RILP: variants seen among roughly 807,000 people sequenced by gnomAD.
RILP encodes Rab interacting lysosomal protein.
RILP carries 53 observed loss-of-function variants against 40.0 expected under a neutral mutation model. The ratio of observed to expected loss-of-function variants is 1.32; its 90% CI spans 1.06 to 1.66. The LOEUF is 1.66. Ranked by LOEUF, RILP falls within the 40% of genes most tolerant of loss-of-function variation. The pLI, the probability that RILP is intolerant of heterozygous loss-of-function variation, is 0.00. For missense variants in RILP, 626 were observed against 551.7 expected (o/e 1.13, Z -1.35); for synonymous variants, 272 against 250.6 (o/e 1.09, Z -0.80).
rs532505143 is a variant in RILP, at chr17:1,646,388, G to A, written c.*54C>T. On this transcript the variant is annotated 3_prime_UTR_variant, in exon 8 of 8. Coordinates refer to ENST00000301336, the MANE Select transcript of RILP (RefSeq NM_031430.3). The surrounding 1 kb of genome is among the most constrained non-coding windows in gnomAD (Gnocchi z 4.3). ...GACCCCTGGCGAGGGCTGTGAAGGC[G>A]GGAGCCCTGTCCTCATTTGAGGCCA... is the stretch of plus-strand genomic sequence containing the variant. The A allele has an allele frequency of 3.1e-4, 456 of 1,492,986 alleles. No individual in the cohort carries two copies. The highest frequency in any genetic ancestry group is 2.4e-3 in the Middle Eastern group (10 of 4,190). 92.5% of individuals were successfully genotyped at this position (1,492,986 alleles called of 1,614,324 possible).
chr17:1,649,095 A>T lies in RILP; in HGVS notation c.430-51T>A. The T allele has an allele frequency of 2.6e-5, 24 of 936,262 alleles. No homozygotes were observed. Among genetic ancestry groups the T allele is most frequent in the South Asian group, 3.4e-5 (1 of 29,248 alleles). The allele number at this position is 936,262 out of a possible 1,614,324, so 58.0% of individuals were successfully genotyped here. A position where few individuals can be genotyped will look rare whatever the true frequency, so the allele number is the denominator to read the frequency against. Reference sequence around the variant, plus strand: ...GGGCGGGGCACCGAGGGCCCCCCGGAGCCCCGCCCAGCGCCTGCCTCGCTC... The same window carrying T: ...GGGCGGGGCACCGAGGGCCCCCCGGTGCCCCGCCCAGCGCCTGCCTCGCTC... On this transcript the variant is annotated intron_variant, in intron 3 of 7. Transcript: ENST00000301336. The surrounding 1 kb of genome is among the most constrained non-coding windows in gnomAD (Gnocchi z 4.3).
Position 1,646,527 on chromosome 17 carries a change from T to G in RILP, c.1121A>C (p.Gln374Pro), listed in dbSNP as rs773982070. The stretch of plus-strand genomic sequence containing the variant: ...CGGATCAGGAGCTGGAGACTGTGGT[T>G]GGGCCTCCTCTTCTCCCCCTAGCTT... ...PSKLGGEEEA[Q>P]PQSPAPDPPC... The change falls in exon 8 of 8, where the codon CAA becomes CCA. Residue 374 changes from glutamine (Q) to proline (P), a missense_variant. Transcript: ENST00000301336. The surrounding 1 kb of genome is among the most constrained non-coding windows in gnomAD (Gnocchi z 4.3). 2 of 1,613,578 alleles carry G rather than the reference T, an allele frequency of 1.2e-6. No individual in the cohort carries two copies. The highest frequency in any genetic ancestry group is 1.7e-6 in the Non-Finnish European group (2 of 1,179,778).
chr17:1,649,811 C>CAG lies in RILP; in HGVS notation c.-9_-8dup. On this transcript the variant is annotated 5_prime_UTR_variant, in exon 1 of 8. Transcript: ENST00000301336. The surrounding 1 kb of genome is among the most constrained non-coding windows in gnomAD (Gnocchi z 4.3). ...CCGCCCTCCTGGGCTCCATGTCTCC[C>CAG]AGAGGCTTAGGGCTGCGACCCCCCC... 1 of 1,535,712 alleles carries CAG rather than the reference C, an allele frequency of 6.5e-7. No homozygotes were observed. Among genetic ancestry groups the CAG allele is most frequent in the Non-Finnish European group, 8.7e-7 (1 of 1,146,888 alleles).
chr17:1,648,882 C>T lies in RILP; in HGVS notation c.592G>A (p.Ala198Thr). ...CCGTGCTGGTGCCCGGGCCGCCCGG[C>T]CTGCCCCCGCGCTCGCTCTTTAGCC... ...PQAKERARGQAGRPGHQHGQE... is the reference protein window; with the variant it reads ...PQAKERARGQTGRPGHQHGQE... Residue 198 changes from alanine (A) to threonine (T), a missense_variant, in exon 4 of 8, where the codon GCC becomes ACC. Physicochemically the swap from Ala to Thr is moderately conservative, Grantham distance 58. Coordinates refer to ENST00000301336, the MANE Select transcript of RILP (RefSeq NM_031430.3). The surrounding 1 kb of genome is among the most constrained non-coding windows in gnomAD (Gnocchi z 4.9). 1 of 1,530,376 alleles carries T rather than the reference C, an allele frequency of 6.5e-7. No individual in the cohort carries two copies. Among genetic ancestry groups the T allele is most frequent in the Middle Eastern group, 2.1e-4 (1 of 4,708 alleles). 94.8% of individuals were successfully genotyped at this position (1,530,376 alleles called of 1,614,324 possible).
Position 1,646,356 on chromosome 17 carries a change from TGG to T in RILP, c.*84_*85del. ...GTCCTGCCCTGATGCAGGCCAGGAT[TGG>T]GGCAGACCCCTGGCGAGGGCTGTGA... On this transcript the variant is annotated 3_prime_UTR_variant, in exon 8 of 8. Transcript: ENST00000301336. This position sits in a 1 kb window ranked among gnomAD's most constrained non-coding sequence, Gnocchi z 4.3. 7.5e-7 allele frequency: 1 copy of T among 1,339,370 alleles called. No individual in the cohort carries two copies. The highest frequency in any genetic ancestry group is 1.0e-6 in the Non-Finnish European group (1 of 984,262). 83.0% of individuals were successfully genotyped at this position (1,339,370 alleles called of 1,614,324 possible).
chr17:1,648,215 C>T lies in RILP; in HGVS notation c.821+135G>A. On this transcript the variant is annotated intron_variant, in intron 5 of 7. Transcript: ENST00000301336. The surrounding 1 kb of genome is among the most constrained non-coding windows in gnomAD (Gnocchi z 4.9). ...CCTCTCCCCTGTCTGGATGACATTG[C>T]AGGAGGGCAAGGGCTGTACAATTCA... 1 of 1,210,526 alleles carries T rather than the reference C, an allele frequency of 8.3e-7. No homozygotes were observed. The highest frequency in any genetic ancestry group is 1.2e-6 in the Non-Finnish European group (1 of 864,128). 75.0% of individuals were successfully genotyped at this position (1,210,526 alleles called of 1,614,324 possible). A position where few individuals can be genotyped will look rare whatever the true frequency, so the allele number is the denominator to read the frequency against.
chr17:1,648,589 G>A lies in RILP; in HGVS notation c.676-94C>T. On this transcript the variant is annotated intron_variant, in intron 4 of 7. Coordinates refer to ENST00000301336, the MANE Select transcript of RILP (RefSeq NM_031430.3). This position sits in a 1 kb window ranked among gnomAD's most constrained non-coding sequence, Gnocchi z 4.9. ...GAATGCTAGAGGAAGTGACGGGCCGGGAGACTTGGGGGACAAGGGTGCCCT... is the reference window on the plus strand; with the variant it reads ...GAATGCTAGAGGAAGTGACGGGCCGAGAGACTTGGGGGACAAGGGTGCCCT... The A allele has an allele frequency of 1.3e-6, 2 of 1,518,946 alleles. No homozygotes were observed. The highest frequency in any genetic ancestry group is 1.8e-6 in the Non-Finnish European group (2 of 1,136,240). 94.1% of individuals were successfully genotyped at this position (1,518,946 alleles called of 1,614,324 possible).
chr17:1,649,087 C>A lies in RILP; in HGVS notation c.430-43G>T, dbSNP rs989283891. 1 of 1,191,200 alleles carries A rather than the reference C, an allele frequency of 8.4e-7. No homozygotes were observed. The highest frequency in any genetic ancestry group is 1.0e-6 in the Non-Finnish European group (1 of 953,098). 73.8% of individuals were successfully genotyped at this position (1,191,200 alleles called of 1,614,324 possible). ...GGTGGGGTGGGCGGGGCACCGAGGG[C>A]CCCCCGGAGCCCCGCCCAGCGCCTG... On this transcript the variant is annotated intron_variant, in intron 3 of 7. Transcript: ENST00000301336. The surrounding 1 kb of genome is among the most constrained non-coding windows in gnomAD (Gnocchi z 4.3).
chr17:1,646,820 G>T lies in RILP; in HGVS notation c.1028+86C>A. 8.8e-7 allele frequency: 1 copy of T among 1,139,638 alleles called. No individual in the cohort carries two copies. Among genetic ancestry groups the T allele is most frequent in the Non-Finnish European group, 1.2e-6 (1 of 805,030 alleles). 70.6% of individuals were successfully genotyped at this position (1,139,638 alleles called of 1,614,324 possible). A position where few individuals can be genotyped will look rare whatever the true frequency, so the allele number is the denominator to read the frequency against. On this transcript the variant is annotated intron_variant, in intron 7 of 7. Transcript: ENST00000301336. The surrounding 1 kb of genome is among the most constrained non-coding windows in gnomAD (Gnocchi z 4.3). ...CAAGCACAGCAGGGTGACGGGCAGAGAAGCGGGAAAGGGGATCCTGAGAAG... is the reference window on the plus strand; with the variant it reads ...CAAGCACAGCAGGGTGACGGGCAGATAAGCGGGAAAGGGGATCCTGAGAAG...
chr17:1,649,710 G>T lies in RILP; in HGVS notation c.95C>A (p.Ala32Asp). 6.3e-7 allele frequency: 1 copy of T among 1,593,008 alleles called. No homozygotes were observed. The highest frequency in any genetic ancestry group is 8.5e-7 in the Non-Finnish European group (1 of 1,177,102). Residue 32 changes from alanine to aspartate, a missense_variant, in exon 1 of 8, where the codon GCC becomes GAC. Physicochemically the swap from Ala to Asp is moderately radical, Grantham distance 126. Coordinates refer to ENST00000301336, the MANE Select transcript of RILP (RefSeq NM_031430.3). The surrounding 1 kb of genome is among the most constrained non-coding windows in gnomAD (Gnocchi z 4.3). ...CTGCAGCTCAGTGCCCAGGGCCCCGGCTAGATGGTACACAAGCTCCGCGGC... is the reference window on the plus strand; with the variant it reads ...CTGCAGCTCAGTGCCCAGGGCCCCGTCTAGATGGTACACAAGCTCCGCGGC... ...ASAAELVYHL[A>D]GALGTELQDL...
chr17:1,649,435 C>T lies in RILP; in HGVS notation c.299G>A (p.Arg100Lys), dbSNP rs1910834940. ...RLREENERLRRELRAGPQEER... is the reference protein window; with the variant it reads ...RLREENERLRKELRAGPQEER... ...ACCCTGTGGCCCCGCGCGCAGCTCC[C>T]TGCGGAGGCGCTCGTTCTCCTCCCG... Residue 100 changes from arginine to lysine, a missense_variant, in exon 2 of 8, where the codon AGG (arginine) becomes AAG (lysine). Coordinates refer to ENST00000301336, the MANE Select transcript of RILP (RefSeq NM_031430.3). This position sits in a 1 kb window ranked among gnomAD's most constrained non-coding sequence, Gnocchi z 4.3. 6.6e-7 allele frequency: 1 copy of T among 1,511,016 alleles called. No individual in the cohort carries two copies. Among genetic ancestry groups the T allele is most frequent in the East Asian group, 2.6e-5 (1 of 37,790 alleles). The allele number at this position is 1,511,016 out of a possible 1,614,324, so 93.6% of individuals were successfully genotyped here.
In RILP at chr17:1,648,651, G is replaced by A; in HGVS notation, c.675+148C>T. On this transcript the variant is annotated intron_variant, in intron 4 of 7. Transcript: ENST00000301336. The surrounding 1 kb of genome is among the most constrained non-coding windows in gnomAD (Gnocchi z 4.9). ...GAGCAGTGCTCCAGCTGAGAGCGGG[G>A]GCCGAGGCCGGCCGGGGGCGCAGAT... 4 of 1,393,480 alleles carry A rather than the reference G, an allele frequency of 2.9e-6. No homozygotes were observed. In the South Asian group the frequency reaches 4.5e-5, roughly 16 times the overall value. 86.3% of individuals were successfully genotyped at this position (1,393,480 alleles called of 1,614,324 possible). A position where few individuals can be genotyped will look rare whatever the true frequency, so the allele number is the denominator to read the frequency against.
rs746268766 is a variant in RILP, at chr17:1,649,697, G to T, written c.108C>A (p.Gly36=). Residue 36 remains glycine (G), a synonymous_variant, in exon 1 of 8, where the codon GGC becomes GGA. Transcript: ENST00000301336. This position sits in a 1 kb window ranked among gnomAD's most constrained non-coding sequence, Gnocchi z 4.3. ...ELVYHLAGAL[G]TELQDLARRF... ...GGCGCGCCAGATCCTGCAGCTCAGT[G>T]CCCAGGGCCCCGGCTAGATGGTACA... 6.3e-7 allele frequency: 1 copy of T among 1,591,954 alleles called. No homozygotes were observed. The highest frequency in any genetic ancestry group is 8.5e-7 in the Non-Finnish European group (1 of 1,176,672).
At position 1,646,564 on chromosome 17, in the gene RILP, G is replaced by A. The variant is rs750644769; in HGVS notation, c.1084C>T (p.Pro362Ser). 6.2e-7 allele frequency: 1 copy of A among 1,611,974 alleles called. No individual in the cohort carries two copies. Among genetic ancestry groups the A allele is most frequent in the South Asian group, 1.1e-5 (1 of 90,836 alleles). ...TCTCCCCCTAGCTTGCTGGGTGCAG[G>A]GCTGCTGGTCTCATCCTCAGAGGAT... is the stretch of plus-strand genomic sequence containing the variant. The part of the protein sequence containing the change: ...AESSEDETSS[P>S]APSKLGGEEE... Residue 362 changes from proline (P) to serine (S), a missense_variant, in exon 8 of 8, where the codon CCT (proline) becomes TCT (serine). Physicochemically the swap from Pro to Ser is moderately conservative, Grantham distance 74. Transcript: ENST00000301336. The surrounding 1 kb of genome is among the most constrained non-coding windows in gnomAD (Gnocchi z 4.3).
rs1213892470 is a variant in RILP, at chr17:1,649,636, G to C, written c.169C>G (p.Leu57Val). ...GPEAAAGLVPLVVRALELLEQ... is the reference protein window; with the variant it reads ...GPEAAAGLVPVVVRALELLEQ... ...AAGAGCTCCAGCGCCCGCACCACTA[G>C]CGGCACCAGCCCGGCCGCCGCCTCC... The change falls in exon 1 of 8, where the codon CTA becomes GTA. Residue 57 changes from leucine to valine, a missense_variant. Leu to Val is a conservative substitution (Grantham distance 32). Coordinates refer to ENST00000301336, the MANE Select transcript of RILP (RefSeq NM_031430.3). This position sits in a 1 kb window ranked among gnomAD's most constrained non-coding sequence, Gnocchi z 4.3. 9 of 1,585,800 alleles carry C rather than the reference G, an allele frequency of 5.7e-6. No individual in the cohort carries two copies. Among genetic ancestry groups the C allele is most frequent in the Non-Finnish European group, 7.7e-6 (9 of 1,173,896 alleles).
chr17:1,648,850 C>T lies in RILP; in HGVS notation c.624G>A (p.Glu208=), dbSNP rs1290824886. Residue 208 remains glutamate, a synonymous_variant, in exon 4 of 8, where the codon GAG becomes GAA. Transcript: ENST00000301336. The surrounding 1 kb of genome is among the most constrained non-coding windows in gnomAD (Gnocchi z 4.9). ...AGRPGHQHGQ[E]PEWATAGAGA... ...CTGCGCCGGCGGTCGCCCATTCGGG[C>T]TCCTGTCCGTGCTGGTGCCCGGGCC... 4 of 1,546,786 alleles carry T rather than the reference C, an allele frequency of 2.6e-6. No individual in the cohort carries two copies. Among genetic ancestry groups the T allele is most frequent in the African/African-American group, 1.4e-5 (1 of 72,462 alleles).
chr17:1,648,847 G>T lies in RILP; in HGVS notation c.627C>A (p.Pro209=). The stretch of plus-strand genomic sequence containing the variant: ...CGCCTGCGCCGGCGGTCGCCCATTC[G>T]GGCTCCTGTCCGTGCTGGTGCCCGG... ...GRPGHQHGQE[P]EWATAGAGAP... is the part of the protein sequence containing the mutation. The change falls in exon 4 of 8, where the codon CCC becomes CCA. Residue 209 remains proline, a synonymous_variant. Coordinates refer to ENST00000301336, the MANE Select transcript of RILP (RefSeq NM_031430.3). The surrounding 1 kb of genome is among the most constrained non-coding windows in gnomAD (Gnocchi z 4.9). The T allele has an allele frequency of 6.5e-7, 1 of 1,541,858 alleles. No homozygotes were observed. Among genetic ancestry groups the T allele is most frequent in the East Asian group, 2.4e-5 (1 of 41,474 alleles).
intron 6 of RILP, 101 bp downstream of exon 6, chr17:1,647,734 G>T: frequency 2.7e-6 from 4 of 1,473,254 alleles, no homozygotes; most frequent in South Asian, 1.1e-5. Context: ...GACAGCCTCA[G>T]TCTGAGACAA....
At position 1,648,537 on chromosome 17, in the gene RILP, C is replaced by T. The variant is rs1474456130; in HGVS notation, c.676-42G>A. The T allele has an allele frequency of 6.3e-7, 1 of 1,599,030 alleles. No individual in the cohort carries two copies. Among genetic ancestry groups the T allele is most frequent in the African/African-American group, 1.3e-5 (1 of 74,626 alleles). On this transcript the variant is annotated intron_variant, in intron 4 of 7. Transcript: ENST00000301336. The surrounding 1 kb of genome is among the most constrained non-coding windows in gnomAD (Gnocchi z 4.9). ...ACAGTCAGAGGGTCGCCTCGGCTGG[C>T]GTTCCCCCGCCCCAGGGCCATCATG...
Sources: allele counts gnomAD v4.1 joint callset, GRCh38; gene constraint gnomAD v4.1.1; non-coding constraint Gnocchi (gnomAD v3.1); transcripts MANE v1.5; gene names NCBI Gene and HGNC (gene_info 2026-07-23, HGNC 2026-07-21).